The following FSIP2 variants were observed in gnomAD, a reference collection of about 807,000 sequenced individuals.
FSIP2 encodes fibrous sheath-interacting protein 2.
In FSIP2, 367 loss-of-function variants were observed where a neutral mutation model predicts 510.5. The observed-to-expected ratio is 0.72, with a 90% CI of 0.66 to 0.78. The LOEUF (loss-of-function observed/expected upper bound fraction) is 0.78, where lower values mean the gene tolerates loss of function less well. FSIP2 is among the 30% of genes least tolerant of loss of function. The pLI, the probability that FSIP2 is intolerant of heterozygous loss-of-function variation, is 0.00. For synonymous variants in FSIP2, 2,601 were observed against 2,732.2 expected (o/e 0.95, Z 1.50); for missense variants, 7,594 against 7,901.7 (o/e 0.96, Z 1.48).
Position 185,824,535 on chromosome 2 carries a change from T to C in FSIP2, c.20473+55T>C, listed in dbSNP as rs927561384. 3.5e-5 allele frequency: 35 copies of C among 1,013,466 alleles called. 1 individual carries two copies. The South Asian group carries it at 4.3e-4, about 13-fold the overall frequency. 62.8% of individuals were successfully genotyped at this position (1,013,466 alleles called of 1,614,324 possible). A position where few individuals can be genotyped will look rare whatever the true frequency, so the allele number is the denominator to read the frequency against. ...TATTTTTTACTACTTTGATGTGTTT[T>C]TTTTTTAGTTATCAAACTTGAAGTT... On this transcript the variant is annotated intron_variant, in intron 20 of 22. Coordinates refer to ENST00000424728, the MANE Select transcript of FSIP2 (RefSeq NM_173651.4).
In FSIP2 at chr2:185,801,832, G is replaced by A; in HGVS notation, c.12526G>A (p.Glu4176Lys). 1 of 1,486,398 alleles carries A rather than the reference G, an allele frequency of 6.7e-7. No individual in the cohort carries two copies. Among genetic ancestry groups the A allele is most frequent in the South Asian group, 1.3e-5 (1 of 76,840 alleles). The allele number at this position is 1,486,398 out of a possible 1,614,324, so 92.1% of individuals were successfully genotyped here. ...ATATTTAATGAGTTCTGATTTTAAT[G>A]AAATGTCCACTTGTATAATAAATAA... is the stretch of plus-strand genomic sequence containing the variant. ...KKYLMSSDFN[E>K]MSTCIINKVM... Residue 4176 changes from glutamate to lysine, a missense_variant, in exon 17 of 23, where the codon GAA becomes AAA. By Grantham distance (56) the Glu-to-Lys change is moderately conservative. Coordinates refer to ENST00000424728, the MANE Select transcript of FSIP2 (RefSeq NM_173651.4).
At chr2:185,770,505 A>G (rs1217287857) in intron 13 of FSIP2, among the ~76,000 whole-genome samples, 2 of 152,114 alleles carry the variant, frequency 1.3e-5, no homozygotes, top group Non-Finnish European at 1.5e-5. Flanking sequence ...CCACGCTCTT[A>G]AACAATCAGA....
Position 185,795,203 on chromosome 2 carries a change from C to T in FSIP2, c.8067C>T (p.Ala2689=). 1 of 1,534,788 alleles carries T rather than the reference C, an allele frequency of 6.5e-7. No homozygotes were observed. The highest frequency in any genetic ancestry group is 8.7e-7 in the Non-Finnish European group (1 of 1,146,124). Residue 2689 remains alanine (A), a synonymous_variant, in exon 16 of 23, where the codon GCC becomes GCT. Coordinates refer to ENST00000424728, the MANE Select transcript of FSIP2 (RefSeq NM_173651.4). Reference sequence around the variant, plus strand: ...ACTTAGGACTGAGTGCTGCTAAGGCCAAAAGCAAAACCAAGTTAGGTCCTG... The same window carrying T: ...ACTTAGGACTGAGTGCTGCTAAGGCTAAAAGCAAAACCAAGTTAGGTCCTG... The part of the protein sequence containing the change: ...KTHLGLSAAK[A]KSKTKLGPGE...
Position 185,802,955 on chromosome 2 carries a change from ATGT to A in FSIP2, c.13653_13655del (p.Val4552del), listed in dbSNP as rs1693474668. 2 of 1,526,526 alleles carry A rather than the reference ATGT, an allele frequency of 1.3e-6. No individual in the cohort carries two copies. Among genetic ancestry groups the A allele is most frequent in the South Asian group, 2.4e-5 (2 of 82,208 alleles). 94.6% of individuals were successfully genotyped at this position (1,526,526 alleles called of 1,614,324 possible). ...CACCTTGTTGATTCAGTATTTGCAA[ATGT>A]TGTGCAAACCTCTGGTTCTCAAGAA... On this transcript the variant is annotated inframe_deletion, in exon 17 of 23. Transcript: ENST00000424728.
chr2:185,760,871 A>G (rs1351760461), intron 9 of FSIP2, 117 bp from the exon 10 acceptor site: 1 of 514,652 alleles, frequency 1.9e-6, no homozygotes, highest in East Asian at 3.1e-5. Context: ...AGTTGGATAC[A>G]TATTTCCAAG....
At chr2:185,824,331 T>G in intron 19 of FSIP2, 103 bp from the exon 20 acceptor site, 1 of 759,540 alleles carries the variant, frequency 1.3e-6, no homozygotes, top group South Asian at 1.6e-5. Flanking sequence ...GTATACTATT[T>G]CAGGTTTCTT....
In FSIP2 at chr2:185,791,696, C is replaced by T; in HGVS notation, c.4560C>T (p.Asn1520=). Residue 1520 remains asparagine, a synonymous_variant, in exon 16 of 23, where the codon AAC becomes AAT. Coordinates refer to ENST00000424728, the MANE Select transcript of FSIP2 (RefSeq NM_173651.4). The part of the protein sequence containing the change: ...KAISESLDID[N]PSFASIIEKM... ...TCTCAGAGTCTCTTGACATTGACAA[C>T]CCATCATTTGCTTCAATTATTGAGA... 6.5e-7 allele frequency: 1 copy of T among 1,534,276 alleles called. No individual in the cohort carries two copies. The highest frequency in any genetic ancestry group is 8.7e-7 in the Non-Finnish European group (1 of 1,145,570).
intron 13 of FSIP2, among the ~76,000 whole-genome samples, chr2:185,775,725 G>A (rs569459558): frequency 6.7e-4 from 102 of 152,236 alleles, no homozygotes; most frequent in Non-Finnish European, 1.3e-3. Flanking sequence ...GTACAGTGGT[G>A]CAATCTCGGC....
At chr2:185,786,904 A>T (rs765382599) in intron 15 of FSIP2, among the ~76,000 whole-genome samples, 4 of 151,756 alleles carry the variant, frequency 2.6e-5, no homozygotes, top group Non-Finnish European at 4.4e-5. Context: ...ACCCAAGGGA[A>T]TTTTTTTCAG....
chr2:185,819,488 A>T (rs540054193), intron 19 of FSIP2, among the ~76,000 whole-genome samples: 13 of 151,928 alleles, frequency 8.6e-5, no homozygotes, highest in Admixed American at 8.5e-4. Flanking sequence ...GTTGAAAGTG[A>T]AAGAATGGAA....
chr2:185,764,107 A>G (rs978211250), intron 12 of FSIP2, among the ~76,000 whole-genome samples: 1 of 151,666 alleles, frequency 6.6e-6, no homozygotes, highest in African/African-American at 2.4e-5. Flanking sequence ...AATTCCTTTA[A>G]AAACAGTGTC....
intron 11 of FSIP2, among the ~76,000 whole-genome samples, chr2:185,762,552 C>T (rs1692375305): frequency 6.6e-6 from 1 of 151,432 alleles, no homozygotes; most frequent in Non-Finnish European, 1.5e-5. Flanking sequence ...AAACTCAATT[C>T]ATCATCATCT....
intron 17 of FSIP2, among the ~76,000 whole-genome samples, chr2:185,812,217 G>C (rs1442566058): frequency 6.6e-6 from 1 of 152,098 alleles, no homozygotes; most frequent in Non-Finnish European, 1.5e-5. Context: ...CCAAGGCCTT[G>C]AGAGCCCCAC....
chr2:185,748,789 G>A (rs1692086807), intron 7 of FSIP2, among the ~76,000 whole-genome samples: 1 of 152,050 alleles, frequency 6.6e-6, no homozygotes, highest in Admixed American at 6.6e-5. Context: ...TAATGGCAGA[G>A]CCATTTGAAC....
intron 10 of FSIP2, 36 bp from the exon 11 acceptor site, chr2:185,761,936 A>G: frequency 8.6e-7 from 1 of 1,167,972 alleles, no homozygotes; most frequent in Non-Finnish European, 1.2e-6. Flanking sequence ...TACAGTTACT[A>G]ATGTAATTTT....
At position 185,795,720 on chromosome 2, in the gene FSIP2, G is replaced by C; in HGVS notation, c.8584G>C (p.Ala2862Pro). 1 of 1,532,696 alleles carries C rather than the reference G, an allele frequency of 6.5e-7. No individual in the cohort carries two copies. Among genetic ancestry groups the C allele is most frequent in the Non-Finnish European group, 8.7e-7 (1 of 1,145,116 alleles). The allele number at this position is 1,532,696 out of a possible 1,614,324, so 94.9% of individuals were successfully genotyped here. ...TGAAAAATGTAAGCTATTGATGATA[G>C]CTGAAAATGTTTTGACTGAAATTTC... ...ENEKCKLLMI[A>P]ENVLTEISIK... Residue 2862 changes from alanine to proline, a missense_variant, in exon 16 of 23, where the codon GCT becomes CCT. Transcript: ENST00000424728.
intron 13 of FSIP2, among the ~76,000 whole-genome samples, chr2:185,780,986 T>TTA (rs1692836833): frequency 6.6e-6 from 1 of 151,876 alleles, no homozygotes; most frequent in Admixed American, 6.5e-5. Flanking sequence ...GCATATAATT[T>TTA]TATCTTCTCC....
intron 17 of FSIP2, among the ~76,000 whole-genome samples, 188 bp from the exon 18 acceptor site, chr2:185,813,357 C>G (rs1693772591): frequency 6.6e-6 from 1 of 151,678 alleles, no homozygotes; most frequent in East Asian, 1.9e-4. Context: ...AAAATGCATG[C>G]CAACAAATTT....
At chr2:185,741,587 G>T (rs1691923375) in intron 2 of FSIP2, among the ~76,000 whole-genome samples, 1 of 152,054 alleles carries the variant, frequency 6.6e-6, no homozygotes. Flanking sequence ...TATTATTATT[G>T]ATCGTTTCCC....
Sources: allele counts gnomAD v4.1 joint callset (sites outside exome capture counted in the v4.1 genomes callset), GRCh38; gene constraint gnomAD v4.1.1; transcripts MANE v1.5; gene names NCBI Gene and HGNC (gene_info 2026-07-23, HGNC 2026-07-21).